The following THRB variants were observed in gnomAD, a reference collection of about 807,000 sequenced individuals.
THRB encodes the protein nuclear receptor subfamily 1 group A member 2.
A neutral mutation model predicts 47.8 loss-of-function variants in THRB; 12 were observed. That is an observed-to-expected ratio of 0.25 (90% confidence interval 0.16 to 0.41). THRB has a LOEUF of 0.41. Among genes scored for constraint, THRB ranks in the 10% least tolerant of loss-of-function variants. THRB has a pLI of 1.00. For synonymous variants in THRB, 218 were observed against 212.2 expected (o/e 1.03, Z -0.24); for missense variants, 348 against 589.2 (o/e 0.59, Z 4.24).
At chr3:24,180,071 T>C (rs1021168293) in intron 5 of THRB, among the ~76,000 whole-genome samples, 5 of 152,238 alleles carry the variant, frequency 3.3e-5, no homozygotes, top group Non-Finnish European at 7.3e-5. Context: ...AAAATTAACA[T>C]GTATTATTTT....
rs115057162 is a variant in THRB at position 24,296,908 on chromosome 3, T to C, written c.-43+318A>G. 9.8e-3 allele frequency among the ~76,000 whole-genome samples: 1,492 copies of C among 152,330 alleles called. 17 individuals carry two copies. Among genetic ancestry groups the C allele is most frequent in the African/African-American group, 0.032 (1,330 of 41,572 alleles). ...CCCTTTAGCAAGGTGATTTCTCAAA[T>C]AGGTAAAATGATTCAAACTTTGGGT... On this transcript the variant is annotated intron_variant, in intron 3 of 10. Coordinates refer to ENST00000646209, the MANE Select transcript of THRB (RefSeq NM_001354712.2).
intron 1 of THRB, among the ~76,000 whole-genome samples, chr3:24,473,510 C>G (rs1694998689): frequency 6.6e-6 from 1 of 152,120 alleles, no homozygotes; most frequent in African/African-American, 2.4e-5. Context: ...ATTAGTTCAA[C>G]CATTGTGGAA....
chr3:24,295,134 G>A (rs185029400), intron 3 of THRB, among the ~76,000 whole-genome samples: 17 of 152,250 alleles, frequency 1.1e-4, no homozygotes, highest in Admixed American at 3.9e-4. Flanking sequence ...AATATATAAC[G>A]GGGGCTGATA....
chr3:24,202,821 T>C (rs2044751778), intron 4 of THRB, among the ~76,000 whole-genome samples: 1 of 152,166 alleles, frequency 6.6e-6, no homozygotes, highest in South Asian at 2.1e-4. Flanking sequence ...AACTTACAGA[T>C]AGTAAATAGG....
At chr3:24,348,651 C>T (rs1190903482) in intron 1 of THRB, 2 of 152,100 alleles carry the variant, frequency 1.3e-5, no homozygotes, top group Non-Finnish European at 2.9e-5. Context: ...GCATATGCCT[C>T]TCATAGTATT....
chr3:24,371,686 A>G (rs2064925584), intron 1 of THRB, among the ~76,000 whole-genome samples: 1 of 152,144 alleles, frequency 6.6e-6, no homozygotes, highest in Non-Finnish European at 1.5e-5. Context: ...GTCATAGAAT[A>G]CTAGCAGAAG....
chr3:24,493,610 A>G (rs62230464), intron 1 of THRB, among the ~76,000 whole-genome samples: 5,210 of 152,302 alleles, frequency 0.034, 107 homozygotes, highest in South Asian at 0.056. Context: ...CAAAAATTCT[A>G]AATTTATGTG....
rs1463685404 is a variant in THRB at position 24,183,226 on chromosome 3, T to C, written c.283+6848A>G. 2.0e-5 allele frequency among the ~76,000 whole-genome samples: 3 copies of C among 151,958 alleles called. No homozygotes were observed. The East Asian group carries it at 5.8e-4, about 29-fold the overall frequency. On this transcript the variant is annotated intron_variant, in intron 5 of 10. Transcript: ENST00000646209. The stretch of plus-strand genomic sequence containing the variant: ...AAAGGGTGGCAAAAACTGGAGGAGG[T>C]GGGCACAAGGCTAAGAGGTGTGTTT...
rs145996028 is a variant in THRB at position 24,302,962 on chromosome 3, A to G, written c.-188-5591T>C. Among the ~76,000 whole-genome samples the G allele has an allele frequency of 9.2e-5, 14 of 152,318 alleles. No homozygotes were observed. The East Asian group carries it at 1.3e-3, about 15-fold the overall frequency. On this transcript the variant is annotated intron_variant, in intron 2 of 10. Transcript: ENST00000646209. ...ATTTTTTAGTCCAACAGCCTTGTCA[A>G]ATATTCTTACTGATTGTTGCACTCC...
At chr3:24,415,556 C>A (rs549809050) in intron 1 of THRB, among the ~76,000 whole-genome samples, 4 of 151,834 alleles carry the variant, frequency 2.6e-5, no homozygotes, top group South Asian at 2.1e-4. Context: ...GTTGTCAACA[C>A]CACAGAAGCT....
chr3:24,351,158 T>C (rs1433551420), intron 1 of THRB, among the ~76,000 whole-genome samples: 1 of 152,098 alleles, frequency 6.6e-6, no homozygotes, highest in African/African-American at 2.4e-5. Flanking sequence ...CAGTTTTTTC[T>C]CTTCCCATTG....
chr3:24,153,958 T>C (rs2037411432), intron 5 of THRB, among the ~76,000 whole-genome samples: 1 of 152,220 alleles, frequency 6.6e-6, no homozygotes, highest in Non-Finnish European at 1.5e-5. Context: ...ATAGACCTTT[T>C]ATTAAACTAG....
intron 9 of THRB, among the ~76,000 whole-genome samples, chr3:24,130,962 T>C (rs769722844): frequency 2.0e-5 from 3 of 152,236 alleles, no homozygotes; most frequent in Non-Finnish European, 4.4e-5. Context: ...TGAAAAAATA[T>C]GTAAACGCTA....
intron 4 of THRB, among the ~76,000 whole-genome samples, chr3:24,201,249 G>A (rs1436031752): frequency 6.6e-6 from 1 of 151,978 alleles, no homozygotes; most frequent in Non-Finnish European, 1.5e-5. Context: ...GCGAGGTTGG[G>A]GCTGGAGAGG....
chr3:24,481,554 T>C (rs1024574902), intron 1 of THRB, among the ~76,000 whole-genome samples: 1 of 151,974 alleles, frequency 6.6e-6, no homozygotes. Context: ...AAATATCTCA[T>C]TGACAAATAA....
chr3:24,254,044 T>C (rs2050950346), intron 3 of THRB, among the ~76,000 whole-genome samples: 2 of 151,004 alleles, frequency 1.3e-5, no homozygotes, highest in Non-Finnish European at 2.9e-5. Context: ...GATTTGATTA[T>C]TCATAACATT....
chr3:24,329,772 A>C (rs930318128), intron 2 of THRB, among the ~76,000 whole-genome samples: 1 of 152,244 alleles, frequency 6.6e-6, no homozygotes, highest in Non-Finnish European at 1.5e-5. Context: ...ACAAAACTCT[A>C]GTTGTCTTGA....
chr3:24,485,511 C>T (rs1697161480), intron 1 of THRB, among the ~76,000 whole-genome samples: 1 of 152,178 alleles, frequency 6.6e-6, no homozygotes, highest in Admixed American at 6.5e-5. Context: ...GTCTCTCACT[C>T]AAGACCTATC....
At chr3:24,374,745 A>G (rs1045559442) in intron 1 of THRB, among the ~76,000 whole-genome samples, 1 of 152,060 alleles carries the variant, frequency 6.6e-6, no homozygotes, top group African/African-American at 2.4e-5. Flanking sequence ...AGGCCTCCCC[A>G]TTTCACTGTC....
Sources: allele counts gnomAD v4.1 joint callset (sites outside exome capture counted in the v4.1 genomes callset), GRCh38; gene constraint gnomAD v4.1.1; transcripts MANE v1.5; gene names NCBI Gene and HGNC (gene_info 2026-07-23, HGNC 2026-07-21).